The following JAK2 variants were observed in gnomAD, a reference collection of about 807,000 sequenced individuals.
The protein encoded by JAK2 is Janus kinase 2.
A neutral mutation model predicts 139.3 loss-of-function variants in JAK2; 86 were observed. The ratio of observed to expected loss-of-function variants is 0.62; its 90% CI spans 0.52 to 0.74. JAK2 has a LOEUF of 0.74. Among genes scored for constraint, JAK2 ranks in the 30% least tolerant of loss-of-function variants. The probability of loss-of-function intolerance (pLI) is 0.00; values close to 1 mark genes in which losing one functional copy is unlikely to be tolerated. For synonymous variants in JAK2, 490 were observed against 437.7 expected (o/e 1.12, Z -1.49); for missense variants, 1,421 against 1,360.3 (o/e 1.04, Z -0.70).
At chr9:5,081,920 G>A in intron 19 of JAK2, 59 bp downstream of exon 19, 1 of 1,398,916 alleles carries the variant, frequency 7.1e-7, no homozygotes, top group Non-Finnish European at 1.0e-6. Context: ...AAAAACTTAA[G>A]AGCGTTTCTA....
rs184001218 is a variant in JAK2, at chr9:5,114,624, G to C, written c.3060-8380G>C. The C allele has an allele frequency of 1.2e-3, 577 of 484,794 alleles. 2 individuals carry two copies. The highest frequency in any genetic ancestry group is 0.011 in the African/African-American group (542 of 51,076). 30.0% of individuals were successfully genotyped at this position (484,794 alleles called of 1,614,324 possible). A position where few individuals can be genotyped will look rare whatever the true frequency, so the allele number is the denominator to read the frequency against. Reference sequence around the variant, plus strand: ...GCTGTACAACGAGGTGCAGCTCCCGGACACTTGGCACAGCATGACGCAGCC... The same window carrying C: ...GCTGTACAACGAGGTGCAGCTCCCGCACACTTGGCACAGCATGACGCAGCC... On this transcript the variant is annotated intron_variant, in intron 22 of 24. Coordinates refer to ENST00000381652, the MANE Select transcript of JAK2 (RefSeq NM_004972.4).
intron 2 of JAK2, among the ~76,000 whole-genome samples, chr9:5,003,707 C>A (rs1305763200): frequency 6.6e-6 from 1 of 151,944 alleles, no homozygotes; most frequent in Non-Finnish European, 1.5e-5. Context: ...AGTTTTCTTG[C>A]CTTATTGCAC....
At chr9:5,126,038 T>C (rs984121351) in intron 23 of JAK2, 3 of 215,524 alleles carry the variant, frequency 1.4e-5, no homozygotes, top group African/African-American at 6.8e-5. Flanking sequence ...ATGATAAAAA[T>C]ATGAGTTTTT....
intron 2 of JAK2, 102 bp from the exon 3 acceptor site, chr9:5,021,861 G>A: frequency 9.4e-6 from 6 of 635,780 alleles, no homozygotes; most frequent in Non-Finnish European, 1.6e-5. Context: ...TCCAACTTCT[G>A]GGCTCAAGCT....
chr9:5,008,999 T>G (rs994708441), intron 2 of JAK2, among the ~76,000 whole-genome samples: 4 of 152,230 alleles, frequency 2.6e-5, no homozygotes, highest in African/African-American at 9.6e-5. Context: ...CTTTGAGTCG[T>G]ATTATTCAAC....
At chr9:5,117,679 AT>A (rs1365227502) in intron 22 of JAK2, among the ~76,000 whole-genome samples, 1 of 146,154 alleles carries the variant, frequency 6.8e-6, no homozygotes, top group African/African-American at 2.5e-5. Context: ...AAATTAATAA[AT>A]ATTTTTATAT....
chr9:5,128,206 T>C lies in JAK2; in HGVS notation c.*1415T>C. On this transcript the variant is annotated 3_prime_UTR_variant, in exon 25 of 25. Coordinates refer to ENST00000381652, the MANE Select transcript of JAK2 (RefSeq NM_004972.4). ...TTATTTTTACTGGTATGTTCTACTT[T>C]TTTGAAAGTTGTACTGAAGACTTCT... The C allele has an allele frequency of 8.6e-6, 2 of 231,906 alleles. No individual in the cohort carries two copies. Among genetic ancestry groups the C allele is most frequent in the Middle Eastern group, 1.3e-3 (1 of 780 alleles). The allele number at this position is 231,906 out of a possible 1,614,324, so 14.4% of individuals were successfully genotyped here. A position where few individuals can be genotyped will look rare whatever the true frequency, so the allele number is the denominator to read the frequency against.
At position 5,127,064 on chromosome 9, in the gene JAK2, GA is replaced by G. The variant is rs927109232; in HGVS notation, c.*281del. 13 of 260,284 alleles carry G rather than the reference GA, an allele frequency of 5.0e-5. No individual in the cohort carries two copies. The highest frequency in any genetic ancestry group is 1.6e-4 in the Admixed American group (3 of 18,646). 16.1% of individuals were successfully genotyped at this position (260,284 alleles called of 1,614,324 possible). A position where few individuals can be genotyped will look rare whatever the true frequency, so the allele number is the denominator to read the frequency against. ...TTAACATCACTCTTGTCTGGCAAAA[GA>G]AAAAAAATAGACTTTTTCAACTCAG... On this transcript the variant is annotated 3_prime_UTR_variant, in exon 25 of 25. Coordinates refer to ENST00000381652, the MANE Select transcript of JAK2 (RefSeq NM_004972.4).
intron 16 of JAK2, 45 bp from the exon 17 acceptor site, chr9:5,080,184 T>G (rs777372176): frequency 7.1e-7 from 1 of 1,405,744 alleles, no homozygotes; most frequent in South Asian, 1.4e-5. Flanking sequence ...AAGATTGGTT[T>G]ACTTGTGAAT....
At chr9:5,111,757 G>A (rs1822573517) in intron 22 of JAK2, 5 of 422,406 alleles carry the variant, frequency 1.2e-5, no homozygotes, top group Admixed American at 8.4e-5. Context: ...GAGGAGAAGT[G>A]AACGGTGGGC....
At chr9:5,102,333 T>C (rs1478321986) in intron 22 of JAK2, among the ~76,000 whole-genome samples, 2 of 151,524 alleles carry the variant, frequency 1.3e-5, no homozygotes, top group African/African-American at 4.9e-5. Flanking sequence ...AGAGGAGAAG[T>C]TTAGAGAAAA....
intron 19 of JAK2, among the ~76,000 whole-genome samples, chr9:5,088,214 G>C (rs554702784): frequency 2.8e-4 from 42 of 152,114 alleles, no homozygotes; most frequent in African/African-American, 9.9e-4. Flanking sequence ...AATCTGACTT[G>C]AGAGTCCTGG....
intron 22 of JAK2, chr9:5,095,121 CA>C (rs1486403565): frequency 1.3e-5 from 2 of 152,132 alleles, no homozygotes; most frequent in Non-Finnish European, 2.9e-5. Context: ...CCTGAGACTC[CA>C]AAATTCTCCA....
At chr9:5,032,719 T>G (rs1358181284) in intron 4 of JAK2, among the ~76,000 whole-genome samples, 4 of 151,862 alleles carry the variant, frequency 2.6e-5, no homozygotes, top group Admixed American at 2.0e-4. Context: ...CAAACAGAAA[T>G]GACATCCACA....
At chr9:5,101,916 A>C (rs974561983) in intron 22 of JAK2, among the ~76,000 whole-genome samples, 3 of 152,250 alleles carry the variant, frequency 2.0e-5, no homozygotes, top group Non-Finnish European at 2.9e-5. Flanking sequence ...ACCAAAGACC[A>C]AAAGTAGATA....
In JAK2 at chr9:5,043,312, T is replaced by TA. The variant is rs138606449; in HGVS notation, c.351-1080dup. ...TTGAAGCCATACAACTTAGGGGCTTTAAAAAAAAAAAGGAAAAATGAAACC... is the reference window on the plus strand; with the variant it reads ...TTGAAGCCATACAACTTAGGGGCTTTAAAAAAAAAAAAGGAAAAATGAAACC... On this transcript the variant is annotated intron_variant, in intron 4 of 24. Coordinates refer to ENST00000381652, the MANE Select transcript of JAK2 (RefSeq NM_004972.4). 1.4e-3 allele frequency among the ~76,000 whole-genome samples: 199 copies of TA among 143,706 alleles called. 1 individual carries two copies. The highest frequency in any genetic ancestry group is 3.7e-3 in the South Asian group (17 of 4,560). 94.3% of individuals were successfully genotyped at this position (143,706 alleles called of 152,430 possible).
At chr9:5,106,500 C>A (rs947578899) in intron 22 of JAK2, among the ~76,000 whole-genome samples, 1 of 152,174 alleles carries the variant, frequency 6.6e-6, no homozygotes, top group East Asian at 1.9e-4. Context: ...GGCGACTCCT[C>A]AAGGATCTAG....
At chr9:5,056,828 T>A (rs946711671) in intron 8 of JAK2, among the ~76,000 whole-genome samples, 4 of 152,174 alleles carry the variant, frequency 2.6e-5, no homozygotes, top group Non-Finnish European at 5.9e-5. Flanking sequence ...GGGACTGTAT[T>A]TGGACTTGGC....
intron 2 of JAK2, among the ~76,000 whole-genome samples, chr9:5,003,340 A>G (rs1180108995): frequency 2.0e-5 from 3 of 151,968 alleles, no homozygotes; most frequent in African/African-American, 4.8e-5. Context: ...GTTTTTCTGT[A>G]TTCTTATATC....
Sources: gnomAD v4.1 joint callset for allele counts (sites outside exome capture counted in the v4.1 genomes callset) on GRCh38, gnomAD v4.1.1 for gene constraint, MANE v1.5 for transcripts, NCBI Gene and HGNC (gene_info 2026-07-23, HGNC 2026-07-21) for gene names.